Variants in GALNT2 observed in about 807,000 individuals in gnomAD.
GALNT2 encodes the protein polypeptide N-acetylgalactosaminyltransferase 2.
GALNT2 carries 31 observed loss-of-function variants against 81.4 expected under a neutral mutation model. That is an observed-to-expected ratio of 0.38 (90% CI 0.29 to 0.51). GALNT2 has a LOEUF of 0.51. Among genes scored for constraint, GALNT2 ranks in the 20% least tolerant of loss-of-function variants. GALNT2 has a pLI of 0.87. For missense variants in GALNT2, 629 were observed against 765.7 expected, an observed-to-expected ratio of 0.82 and a Z score of 2.11; for synonymous variants, 303 against 287.4, an observed-to-expected ratio of 1.05 and a Z score of -0.55.
chr1:230,226,229 G>A (rs1664705449), intron 3 of GALNT2, among the ~76,000 whole-genome samples: 1 of 152,158 alleles, frequency 6.6e-6, no homozygotes, highest in South Asian at 2.1e-4. Context: ...AGACCTTCCT[G>A]CCCTTTTCTT....
intron 3 of GALNT2, among the ~76,000 whole-genome samples, chr1:230,230,037 G>C (rs1400059649): frequency 3.3e-5 from 5 of 152,090 alleles, no homozygotes; most frequent in Non-Finnish European, 7.4e-5. Flanking sequence ...AAGATATTAA[G>C]ACTTGGCAAG....
rs190605465 is a variant in GALNT2 at position 230,269,830 on chromosome 1, G to A, written c.1440+4463G>A. 4.6e-5 allele frequency among the ~76,000 whole-genome samples: 7 copies of A among 152,242 alleles called. No homozygotes were observed. The East Asian group carries it at 9.7e-4, about 21-fold the overall frequency. ...GAGGATTGCTAAAGCCCAAGAGGTCGAGGCTGTAGTGAGCTGTGATTGCAC... is the reference window on the plus strand; with the variant it reads ...GAGGATTGCTAAAGCCCAAGAGGTCAAGGCTGTAGTGAGCTGTGATTGCAC... On this transcript the variant is annotated intron_variant, in intron 14 of 15. Transcript: ENST00000366672.
intron 1 of GALNT2, among the ~76,000 whole-genome samples, chr1:230,174,391 C>T (rs1662891596): frequency 1.3e-5 from 2 of 152,192 alleles, no homozygotes; most frequent in Non-Finnish European, 2.9e-5. Context: ...GGCCTTTTCA[C>T]AACCCCAGAT....
chr1:230,253,299 A>G (rs1665608145), intron 10 of GALNT2, among the ~76,000 whole-genome samples: 1 of 152,158 alleles, frequency 6.6e-6, no homozygotes, highest in Admixed American at 6.5e-5. Context: ...ACCCATTCCT[A>G]GTGAGTGAGG....
intron 11 of GALNT2, among the ~76,000 whole-genome samples, chr1:230,260,893 C>A (rs957559182): frequency 6.6e-6 from 1 of 152,186 alleles, no homozygotes; most frequent in African/African-American, 2.4e-5. Context: ...GTCTCTCTCT[C>A]TTGTTTGCTC....
intron 8 of GALNT2, among the ~76,000 whole-genome samples, chr1:230,247,419 C>T (rs1665408182): frequency 6.6e-6 from 1 of 152,162 alleles, no homozygotes; most frequent in African/African-American, 2.4e-5. Context: ...GATAATTGTG[C>T]TGGCCACACA....
intron 1 of GALNT2, among the ~76,000 whole-genome samples, chr1:230,123,489 G>A (rs1661085581): frequency 1.3e-5 from 2 of 152,230 alleles, no homozygotes; most frequent in South Asian, 2.1e-4. Flanking sequence ...AATAACTGAC[G>A]TATACTGGTT....
chr1:230,199,513 C>A (rs1663819364), intron 2 of GALNT2, among the ~76,000 whole-genome samples: 1 of 152,126 alleles, frequency 6.6e-6, no homozygotes. Flanking sequence ...TAGATCTGTT[C>A]CTCGCATATA....
At chr1:230,185,299 TGTGCGC>T (rs780166225) in intron 2 of GALNT2, among the ~76,000 whole-genome samples, 269 of 116,432 alleles carry the variant, frequency 2.3e-3, no homozygotes, top group African/African-American at 6.9e-3. Flanking sequence ...TGTGTGTGTG[TGTGCGC>T]GCGTGTGTGT....
At chr1:230,266,896 A>G (rs1328962152) in intron 14 of GALNT2, among the ~76,000 whole-genome samples, 1 of 152,228 alleles carries the variant, frequency 6.6e-6, no homozygotes, top group Non-Finnish European at 1.5e-5. Flanking sequence ...GATGGTTCAG[A>G]ATAGCTAAAT....
intron 2 of GALNT2, among the ~76,000 whole-genome samples, chr1:230,186,875 C>A (rs937903664): frequency 2.0e-5 from 3 of 152,182 alleles, no homozygotes; most frequent in Non-Finnish European, 4.4e-5. Context: ...ATGTTGAAAC[C>A]ATTTTTCTTA....
intron 2 of GALNT2, among the ~76,000 whole-genome samples, chr1:230,198,007 C>T (rs2102702602): frequency 6.6e-6 from 1 of 152,308 alleles, no homozygotes. Flanking sequence ...TAGGAGTAAG[C>T]GTCCGGCGCA....
At chr1:230,218,814 C>G (rs759864622) in intron 3 of GALNT2, among the ~76,000 whole-genome samples, 1 of 152,178 alleles carries the variant, frequency 6.6e-6, no homozygotes, top group African/African-American at 2.4e-5. Flanking sequence ...ACCCCTAAGC[C>G]GTGGACCAGT....
chr1:230,177,592 A>T (rs1036254473), intron 1 of GALNT2, among the ~76,000 whole-genome samples: 16 of 152,236 alleles, frequency 1.1e-4, no homozygotes, highest in African/African-American at 3.6e-4. Flanking sequence ...GAGTTGAATA[A>T]ATTCTGCCAG....
chr1:230,229,633 G>A (rs750143772), intron 3 of GALNT2, among the ~76,000 whole-genome samples: 22 of 152,154 alleles, frequency 1.4e-4, no homozygotes, highest in Non-Finnish European at 2.9e-4. Flanking sequence ...CCACTGCAGC[G>A]TTGTTTCTAA....
chr1:230,225,890 C>T (rs540972521), intron 3 of GALNT2, among the ~76,000 whole-genome samples: 59 of 152,212 alleles, frequency 3.9e-4, no homozygotes, highest in African/African-American at 1.4e-3. Flanking sequence ...ATTCAGATTC[C>T]CAGGTATCAC....
At chr1:230,159,261 G>A (rs956943944) in intron 1 of GALNT2, among the ~76,000 whole-genome samples, 11 of 152,098 alleles carry the variant, frequency 7.2e-5, no homozygotes, top group African/African-American at 2.7e-4. Context: ...TCCTTTCTCC[G>A]CAATCACATT....
intron 2 of GALNT2, among the ~76,000 whole-genome samples, chr1:230,189,935 T>C (rs912635495): frequency 6.6e-6 from 1 of 152,216 alleles, no homozygotes; most frequent in African/African-American, 2.4e-5. Flanking sequence ...GCATAACTCC[T>C]CCAGGTTCAC....
intron 6 of GALNT2, among the ~76,000 whole-genome samples, chr1:230,241,089 C>T (rs944469696): frequency 3.9e-5 from 6 of 152,212 alleles, no homozygotes; most frequent in African/African-American, 1.4e-4. Context: ...GCTCAGATTC[C>T]CCACCCATTC....
Sources: allele counts gnomAD v4.1 joint callset (sites outside exome capture counted in the v4.1 genomes callset), GRCh38; gene constraint gnomAD v4.1.1; transcripts MANE v1.5; gene names NCBI Gene and HGNC (gene_info 2026-07-23, HGNC 2026-07-21).